UHRF2: variants seen among roughly 807,000 people sequenced by gnomAD.
UHRF2 encodes E3 ubiquitin-protein ligase UHRF2.
A neutral mutation model predicts 96.8 loss-of-function variants in UHRF2; 23 were observed. The observed-to-expected ratio is 0.24, with a 90% CI of 0.17 to 0.34. UHRF2 has a LOEUF of 0.34. UHRF2 is among the 10% of genes least tolerant of loss of function. The probability of loss-of-function intolerance (pLI) is 1.00; values close to 1 mark genes in which losing one functional copy is unlikely to be tolerated. For synonymous variants in UHRF2, 385 were observed against 332.6 expected (o/e 1.16, Z -1.72); for missense variants, 685 against 981.5 (o/e 0.70, Z 4.04).
Position 6,413,387 on chromosome 9 carries a change from C to T in UHRF2, c.-104C>T, listed in dbSNP as rs953550687. 2.6e-6 allele frequency: 3 copies of T among 1,164,926 alleles called. No homozygotes were observed. Among genetic ancestry groups the T allele is most frequent in the African/African-American group, 1.6e-5 (1 of 62,228 alleles). 72.2% of individuals were successfully genotyped at this position (1,164,926 alleles called of 1,614,324 possible). On this transcript the variant is annotated 5_prime_UTR_variant, in exon 1 of 16. Transcript: ENST00000276893. ...CCGGTGGGCGCGCTCGCCCGCCTGC[C>T]GCTGAGGGCCCGAGCCGCAGGGAAA...
intron 2 of UHRF2, among the ~76,000 whole-genome samples, chr9:6,424,185 G>A (rs1820104787): frequency 6.6e-6 from 1 of 152,170 alleles, no homozygotes; most frequent in Admixed American, 6.5e-5. Context: ...ACCTGGGAGA[G>A]CTGAGAAAAT....
In UHRF2 at chr9:6,419,270, C is replaced by T. The variant is rs527934433; in HGVS notation, c.154-1642C>T. 6.6e-5 allele frequency among the ~76,000 whole-genome samples: 10 copies of T among 152,270 alleles called. No individual in the cohort carries two copies. In the East Asian group the frequency reaches 1.7e-3, roughly 26 times the overall value. On this transcript the variant is annotated intron_variant, in intron 1 of 15. Transcript: ENST00000276893. ...TTAAAAGACTGTTTCCAAATAAGGT[C>T]ACATTCTCAAGTACCATGGATTAGG...
rs146437907 is a variant in UHRF2 at position 6,458,208 on chromosome 9, C to T, written c.645-2365C>T. ...CTTGTTATTGGTCTATTTAGGGATT[C>T]GACTTCTTCCTGGTTTCGTCTTGGG... On this transcript the variant is annotated intron_variant, in intron 3 of 15. Transcript: ENST00000276893. Among the ~76,000 whole-genome samples the T allele has an allele frequency of 3.0e-3, 463 of 152,220 alleles. 3 individuals carry two copies. The highest frequency in any genetic ancestry group is 0.01 in the African/African-American group (435 of 41,532).
intron 2 of UHRF2, among the ~76,000 whole-genome samples, chr9:6,426,780 C>G (rs1390878903): frequency 6.6e-6 from 1 of 152,032 alleles, no homozygotes; most frequent in African/African-American, 2.4e-5. Context: ...GATGGAATCT[C>G]TCTTTGTTGC....
chr9:6,425,154 T>C (rs903691557), intron 2 of UHRF2, among the ~76,000 whole-genome samples: 2 of 152,216 alleles, frequency 1.3e-5, no homozygotes, highest in African/African-American at 4.8e-5. Context: ...GTTAATGTAC[T>C]TCACTGCCTT....
chr9:6,488,766 T>TG (rs1266946669), intron 9 of UHRF2, among the ~76,000 whole-genome samples: 1 of 151,588 alleles, frequency 6.6e-6, no homozygotes, highest in Non-Finnish European at 1.5e-5. Flanking sequence ...CTTCCCAAAG[T>TG]GCTGGGATTA....
chr9:6,457,567 C>T (rs1461301405), intron 3 of UHRF2, among the ~76,000 whole-genome samples: 1 of 152,168 alleles, frequency 6.6e-6, no homozygotes, highest in African/African-American at 2.4e-5. Context: ...GTGAGAGAGG[C>T]CATCCCTGTC....
chr9:6,481,705 T>C lies in UHRF2; in HGVS notation c.1223T>C (p.Met408Thr), dbSNP rs367749349. The C allele has an allele frequency of 2.6e-5, 42 of 1,613,746 alleles. No homozygotes were observed. Among genetic ancestry groups the C allele is most frequent in the Non-Finnish European group, 8.5e-7 (1 of 1,179,878 alleles). Residue 408 changes from methionine (M) to threonine (T), a missense_variant, in exon 7 of 16, where the codon ATG becomes ACG. Met to Thr is a moderately conservative substitution (Grantham distance 81). Transcript: ENST00000276893. ...EVVKAGERLK[M>T]SKKKAKMPSA... ...GTAAAGGCTGGTGAAAGACTCAAGATGAGTAAAAAGAAAGCAAAGATGCCG... is the reference window on the plus strand; with the variant it reads ...GTAAAGGCTGGTGAAAGACTCAAGACGAGTAAAAAGAAAGCAAAGATGCCG...
chr9:6,413,449 C>G lies in UHRF2; in HGVS notation c.-42C>G, dbSNP rs201234807. 12 of 1,451,930 alleles carry G rather than the reference C, an allele frequency of 8.3e-6. No homozygotes were observed. In the East Asian group the frequency reaches 1.7e-4, roughly 20 times the overall value. The allele number at this position is 1,451,930 out of a possible 1,614,324, so 89.9% of individuals were successfully genotyped here. On this transcript the variant is annotated 5_prime_UTR_variant, in exon 1 of 16. Transcript: ENST00000276893. ...CGGGCGGGGCGCGGCGCCCAGAGCT[C>G]AGGGGGAGACAAAGGGGACCGGTTC...
chr9:6,496,996 G>C (rs1194331395), intron 10 of UHRF2: 1 of 511,484 alleles, frequency 2.0e-6, no homozygotes, highest in Non-Finnish European at 3.4e-6. Flanking sequence ...CAATCCCCTG[G>C]CTTGGGGGTG....
At chr9:6,474,277 T>C (rs1184887048) in intron 4 of UHRF2, among the ~76,000 whole-genome samples, 1 of 152,172 alleles carries the variant, frequency 6.6e-6, no homozygotes, top group Non-Finnish European at 1.5e-5. Flanking sequence ...GGTGGAAGGA[T>C]GGAAAAAGTC....
At position 6,423,871 on chromosome 9, in the gene UHRF2, G is replaced by C. The variant is rs1426445551; in HGVS notation, c.384+2729G>C. ...GAGGCAGGAGAATTGCTTGAACTTG[G>C]AGGGCAGAGGTTGCAGTGAGCCAAG... On this transcript the variant is annotated intron_variant, in intron 2 of 15. Coordinates refer to ENST00000276893, the MANE Select transcript of UHRF2 (RefSeq NM_152896.3). Among the ~76,000 whole-genome samples, 3 of 152,020 alleles carry C rather than the reference G, an allele frequency of 2.0e-5. No homozygotes were observed. In the East Asian group the frequency reaches 5.8e-4, roughly 29 times the overall value.
intron 4 of UHRF2, among the ~76,000 whole-genome samples, chr9:6,467,426 G>A (rs975756434): frequency 7.2e-5 from 11 of 151,952 alleles, no homozygotes; most frequent in African/African-American, 2.4e-4. Flanking sequence ...CGTATTTATA[G>A]GTTCCTGGAA....
At chr9:6,482,210 A>T in intron 8 of UHRF2, 111 bp downstream of exon 8, 1 of 893,444 alleles carries the variant, frequency 1.1e-6, no homozygotes, top group African/African-American at 1.7e-5. Flanking sequence ...CACTTGTTAG[A>T]ATGAAATATA....
intron 3 of UHRF2, among the ~76,000 whole-genome samples, chr9:6,452,688 T>C (rs1260962613): frequency 1.3e-5 from 2 of 152,214 alleles, no homozygotes; most frequent in Non-Finnish European, 1.5e-5. Flanking sequence ...TGGAGATAAC[T>C]CTTACACTTC....
intron 10 of UHRF2, chr9:6,495,798 G>A (rs1824929660): frequency 6.6e-6 from 1 of 152,192 alleles, no homozygotes; most frequent in Admixed American, 6.5e-5. Flanking sequence ...CCAGTTAGTG[G>A]TGGCAGTAAT....
chr9:6,496,910 T>G (rs1032074032), intron 10 of UHRF2: 4 of 250,086 alleles, frequency 1.6e-5, no homozygotes, highest in African/African-American at 8.9e-5. Context: ...AAATTCCATG[T>G]ATTTCTAGTT....
chr9:6,502,864 A>G (rs1816376311), intron 14 of UHRF2, among the ~76,000 whole-genome samples: 1 of 152,234 alleles, frequency 6.6e-6, no homozygotes, highest in Non-Finnish European at 1.5e-5. Context: ...CCATATTTTA[A>G]AAATGTGTTT....
chr9:6,460,551 A>G (rs1017199282), intron 3 of UHRF2, 22 bp from the exon 4 acceptor site: 6 of 1,574,122 alleles, frequency 3.8e-6, no homozygotes, highest in Non-Finnish European at 3.5e-6. Flanking sequence ...ATCATAAGCC[A>G]TATGGTTTTC....
Sources: allele counts gnomAD v4.1 joint callset (sites outside exome capture counted in the v4.1 genomes callset), GRCh38; gene constraint gnomAD v4.1.1; transcripts MANE v1.5; gene names NCBI Gene and HGNC (gene_info 2026-07-23, HGNC 2026-07-21).